The following AIG1 variants were observed in gnomAD, a reference collection of about 807,000 sequenced individuals.
AIG1 encodes androgen induced 1, also known as androgen-induced gene 1 protein.
AIG1 carries 23 observed loss-of-function variants against 31.4 expected under a neutral mutation model. That is an observed-to-expected ratio of 0.73 (90% CI 0.53 to 1.04). AIG1 has a LOEUF of 1.04. Ranked by LOEUF, AIG1 falls within the 50% of genes least tolerant of loss-of-function variation. The pLI, the probability that AIG1 is intolerant of heterozygous loss-of-function variation, is 0.00. For missense variants in AIG1, 274 were observed against 295.0 expected (o/e 0.93, Z 0.52); for synonymous variants, 100 against 110.5 (o/e 0.90, Z 0.60).
intron 3 of AIG1, among the ~76,000 whole-genome samples, chr6:143,263,336 A>G (rs2128660140): frequency 7.3e-6 from 1 of 136,968 alleles, no homozygotes; most frequent in East Asian, 2.2e-4. Flanking sequence ...TCACTCTCTT[A>G]TTTCTGATGT....
intron 1 of AIG1, among the ~76,000 whole-genome samples, chr6:143,108,568 G>T (rs1484175903): frequency 6.6e-6 from 1 of 152,186 alleles, no homozygotes; most frequent in Non-Finnish European, 1.5e-5. Flanking sequence ...CCCAGAATCT[G>T]GCTCTGGTGT....
chr6:143,119,499 G>A (rs557158922), intron 1 of AIG1, among the ~76,000 whole-genome samples: 1 of 152,322 alleles, frequency 6.6e-6, no homozygotes, highest in East Asian at 1.9e-4. Context: ...TACTTTGGAA[G>A]TGAACAGCAT....
At chr6:143,136,592 T>G (rs1783776789) in intron 1 of AIG1, among the ~76,000 whole-genome samples, 1 of 152,200 alleles carries the variant, frequency 6.6e-6, no homozygotes, top group Admixed American at 6.5e-5. Flanking sequence ...TAGATGTGTG[T>G]GTGCATGCAT....
intron 3 of AIG1, among the ~76,000 whole-genome samples, chr6:143,233,239 G>A (rs1161873757): frequency 6.6e-6 from 1 of 152,032 alleles, no homozygotes; most frequent in South Asian, 2.1e-4. Flanking sequence ...GCTCTGCCTC[G>A]CACTGCAGAC....
At chr6:143,120,878 G>A (rs777575319) in intron 1 of AIG1, among the ~76,000 whole-genome samples, 15 of 152,220 alleles carry the variant, frequency 9.9e-5, no homozygotes, top group Non-Finnish European at 1.0e-4. Context: ...ATGCTGGAAG[G>A]TTGTGGGTTT....
intron 4 of AIG1, among the ~76,000 whole-genome samples, chr6:143,311,592 T>C (rs1369562064): frequency 6.6e-6 from 1 of 151,820 alleles, no homozygotes; most frequent in Non-Finnish European, 1.5e-5. Context: ...AAGAAGAATT[T>C]GATAAAATCC....
At chr6:143,251,007 C>T (rs901636454) in intron 3 of AIG1, among the ~76,000 whole-genome samples, 7 of 152,134 alleles carry the variant, frequency 4.6e-5, no homozygotes, top group Admixed American at 2.0e-4. Flanking sequence ...CTGCCACCAC[C>T]TTAATTTCAT....
At chr6:143,186,563 GGATA>G (rs1400933039) in intron 3 of AIG1, 1 of 152,158 alleles carries the variant, frequency 6.6e-6, no homozygotes, top group Non-Finnish European at 1.5e-5. Flanking sequence ...CCATGTGCTG[GGATA>G]AACAGACTGT....
intron 1 of AIG1, among the ~76,000 whole-genome samples, chr6:143,090,430 C>A (rs996508195): frequency 1.3e-5 from 2 of 152,092 alleles, no homozygotes; most frequent in Non-Finnish European, 2.9e-5. Flanking sequence ...GATCTGTTTT[C>A]AGGATGTGAG....
intron 3 of AIG1, among the ~76,000 whole-genome samples, chr6:143,219,660 A>G (rs1265955414): frequency 2.0e-5 from 3 of 152,274 alleles, no homozygotes; most frequent in East Asian, 3.9e-4. Context: ...TCTCTCTTCC[A>G]CTACTCAGGG....
chr6:143,241,028 G>A (rs190630155), intron 3 of AIG1, among the ~76,000 whole-genome samples: 7 of 152,122 alleles, frequency 4.6e-5, no homozygotes, highest in African/African-American at 1.4e-4. Flanking sequence ...ACATTGACCT[G>A]ATGTTTGTGA....
At position 143,214,968 on chromosome 6, in the gene AIG1, T is replaced by C. The variant is rs143940775; in HGVS notation, c.399+49785T>C. Among the ~76,000 whole-genome samples the C allele has an allele frequency of 7.9e-5, 12 of 152,220 alleles. No individual in the cohort carries two copies. The East Asian group carries it at 2.3e-3, about 29-fold the overall frequency. Reference sequence around the variant, plus strand: ...TACAAATATACCGTGGTGTGGGAAATTTCCCACCCTCAATGGCCATTGTCC... The same window carrying C: ...TACAAATATACCGTGGTGTGGGAAACTTCCCACCCTCAATGGCCATTGTCC... On this transcript the variant is annotated intron_variant, in intron 3 of 5. Transcript: ENST00000357847.
At position 143,264,246 on chromosome 6, in the gene AIG1, C is replaced by A. The variant is rs115428526; in HGVS notation, c.400-19864C>A. Among the ~76,000 whole-genome samples, 536 of 152,248 alleles carry A rather than the reference C, an allele frequency of 3.5e-3. 2 individuals carry two copies. Among genetic ancestry groups the A allele is most frequent in the African/African-American group, 0.012 (500 of 41,538 alleles). ...TTTCCTTTATCTTGTGCCCACACTG[C>A]GGATTTCCAGTGCTTATCCTTATTC... On this transcript the variant is annotated intron_variant, in intron 3 of 5. Transcript: ENST00000357847.
At chr6:143,281,612 C>T (rs1797345692) in intron 3 of AIG1, among the ~76,000 whole-genome samples, 1 of 152,132 alleles carries the variant, frequency 6.6e-6, no homozygotes, top group East Asian at 1.9e-4. Flanking sequence ...TAGTTTTTTA[C>T]CATTCTTTTA....
chr6:143,270,680 A>G (rs1369254378), intron 3 of AIG1, among the ~76,000 whole-genome samples: 6 of 152,230 alleles, frequency 3.9e-5, no homozygotes, highest in African/African-American at 1.2e-4. Flanking sequence ...ACTACTTTAT[A>G]TGTCTTTAAA....
At chr6:143,314,181 T>C in intron 4 of AIG1, among the ~76,000 whole-genome samples, 1 of 83,858 alleles carries the variant, frequency 1.2e-5, no homozygotes. Context: ...GGAACCCATC[T>C]CTTAAAAAAA....
intron 4 of AIG1, among the ~76,000 whole-genome samples, chr6:143,305,458 A>C (rs1483443751): frequency 1.3e-5 from 2 of 151,862 alleles, no homozygotes; most frequent in Admixed American, 6.6e-5. Context: ...GAACATCTTT[A>C]TTTCTGCCTT....
chr6:143,076,957 G>A (rs966925317), intron 1 of AIG1, among the ~76,000 whole-genome samples: 26 of 152,136 alleles, frequency 1.7e-4, no homozygotes, highest in African/African-American at 6.0e-4. Context: ...AGGTGTGAGC[G>A]ACCGTGCCCG....
At chr6:143,223,594 G>A (rs921578956) in intron 3 of AIG1, among the ~76,000 whole-genome samples, 6 of 152,038 alleles carry the variant, frequency 3.9e-5, no homozygotes, top group East Asian at 1.9e-4. Flanking sequence ...TCATGCTTAC[G>A]GCAACAGGGT....
Sources: allele counts gnomAD v4.1 joint callset (sites outside exome capture counted in the v4.1 genomes callset), GRCh38; gene constraint gnomAD v4.1.1; transcripts MANE v1.5; gene names NCBI Gene and HGNC (gene_info 2026-07-23, HGNC 2026-07-21).